Variants in JAKMIP1 observed in about 807,000 individuals in gnomAD.
The protein encoded by JAKMIP1 is janus kinase and microtubule-interacting protein 1.
A neutral mutation model predicts 113.0 loss-of-function variants in JAKMIP1; 33 were observed. The observed-to-expected ratio is 0.29, with a 90% CI of 0.22 to 0.39. JAKMIP1 has a LOEUF of 0.39. Among genes scored for constraint, JAKMIP1 ranks in the 10% least tolerant of loss-of-function variants. The pLI, the probability that JAKMIP1 is intolerant of heterozygous loss-of-function variation, is 1.00. For synonymous variants in JAKMIP1, 480 were observed against 459.9 expected (o/e 1.04, Z -0.56); for missense variants, 813 against 1,080.5 (o/e 0.75, Z 3.47).
chr4:6,166,348 A>T (rs1294723295), intron 1 of JAKMIP1, among the ~76,000 whole-genome samples: 2 of 152,182 alleles, frequency 1.3e-5, no homozygotes, highest in African/African-American at 4.8e-5. Flanking sequence ...TCCCCTCCCC[A>T]GGCAAGACTG....
chr4:6,081,648 C>T lies in JAKMIP1; in HGVS notation c.1062G>A (p.Glu354=), dbSNP rs1179319041. 2.5e-6 allele frequency: 4 copies of T among 1,614,186 alleles called. No homozygotes were observed. Among genetic ancestry groups the T allele is most frequent in the South Asian group, 2.2e-5 (2 of 91,086 alleles). Residue 354 remains glutamate (E), a synonymous_variant, in exon 6 of 21, where the codon GAG becomes GAA. Transcript: ENST00000409021. The surrounding 1 kb of genome is among the most constrained non-coding windows in gnomAD (Gnocchi z 4.6). The stretch of plus-strand genomic sequence containing the variant: ...CCCGCGTGAGGTTCTTGATTTTCTC[C>T]TCCATCCTCTGGATACTCTGCAACA... The part of the protein sequence containing the change: ...EDLLQSIQRM[E]EKIKNLTREN...
At chr4:6,121,070 C>T (rs773378260) in intron 1 of JAKMIP1, among the ~76,000 whole-genome samples, 5 of 151,844 alleles carry the variant, frequency 3.3e-5, no homozygotes, top group African/African-American at 1.2e-4. Context: ...CAAGGTGGTG[C>T]GCACCTATAA....
chr4:6,053,874 G>T, intron 13 of JAKMIP1, 176 bp downstream of exon 13: 1 of 1,504,614 alleles, frequency 6.6e-7, no homozygotes, highest in South Asian at 1.4e-5. Context: ...TTAAGGCAGT[G>T]AAATTATTCT....
intron 10 of JAKMIP1, 49 bp from the exon 11 acceptor site, chr4:6,060,556 C>T: frequency 3.6e-6 from 5 of 1,398,142 alleles, no homozygotes; most frequent in Non-Finnish European, 5.1e-6. Context: ...CAATGGGTGA[C>T]AGGGAAGCGG....
At chr4:6,171,312 C>A (rs1724672124) in intron 1 of JAKMIP1, among the ~76,000 whole-genome samples, 1 of 151,644 alleles carries the variant, frequency 6.6e-6, no homozygotes, top group Admixed American at 6.6e-5. Flanking sequence ...TCAACACCAT[C>A]AACATCTCCA....
At position 6,193,453 on chromosome 4, in the gene JAKMIP1, G is replaced by T. The variant is rs1299482614; in HGVS notation, c.-148+6800C>A. Among the ~76,000 whole-genome samples, 1 of 152,170 alleles carries T rather than the reference G, an allele frequency of 6.6e-6. No homozygotes were observed. The highest frequency in any genetic ancestry group is 2.4e-5 in the African/African-American group (1 of 41,442). On this transcript the variant is annotated intron_variant, in intron 1 of 20. Transcript: ENST00000409021. The surrounding 1 kb of genome is among the most constrained non-coding windows in gnomAD (Gnocchi z 6.4). ...AGAACCCTGACTAATACAGACGTGA[G>T]GGATGAAAAGAAGCCAGTCTGGGCC...
intron 20 of JAKMIP1, among the ~76,000 whole-genome samples, chr4:6,027,781 C>T (rs73798431): frequency 0.011 from 1,718 of 152,316 alleles, 47 homozygotes; most frequent in African/African-American, 0.039. Flanking sequence ...CTGCCGAGGA[C>T]ATAGTGAGTG....
At chr4:6,134,209 C>T (rs146612728) in intron 1 of JAKMIP1, among the ~76,000 whole-genome samples, 6 of 152,288 alleles carry the variant, frequency 3.9e-5, no homozygotes, top group Middle Eastern at 3.4e-3. Context: ...TCCCGCCTGC[C>T]GCCATGTAAG....
chr4:6,033,093 A>G (rs925405079), intron 19 of JAKMIP1, among the ~76,000 whole-genome samples: 2 of 152,222 alleles, frequency 1.3e-5, no homozygotes, highest in African/African-American at 4.8e-5. Context: ...AAAAGTGCAG[A>G]ATCATTCCGC....
At chr4:6,131,524 G>T (rs1372621610) in intron 1 of JAKMIP1, among the ~76,000 whole-genome samples, 2 of 152,144 alleles carry the variant, frequency 1.3e-5, no homozygotes, top group Non-Finnish European at 2.9e-5. Context: ...GAGGCCAGGA[G>T]TTCGAGATCA....
rs1212745275 is a variant in JAKMIP1, at chr4:6,194,961, A to G, written c.-148+5292T>C. On this transcript the variant is annotated intron_variant, in intron 1 of 20. Coordinates refer to ENST00000409021, the MANE Select transcript of JAKMIP1 (RefSeq NM_001099433.2). The surrounding 1 kb of genome is among the most constrained non-coding windows in gnomAD (Gnocchi z 7.4). ...TAACACAAGTGGGCGGTGGTGCCCA[A>G]CAAAGGGACCCGCCACTGCAGCTGC... Among the ~76,000 whole-genome samples, 2 of 152,060 alleles carry G rather than the reference A, an allele frequency of 1.3e-5. No individual in the cohort carries two copies. Among genetic ancestry groups the G allele is most frequent in the Non-Finnish European group, 2.9e-5 (2 of 67,974 alleles).
In JAKMIP1 at chr4:6,076,401, T is replaced by C. The variant is rs897680026; in HGVS notation, c.1302+2538A>G. ...TAATTTTTCTCTGAGTTTTTCTATA[T>C]TATATATATATATGTCTTCTGTAGC... On this transcript the variant is annotated intron_variant, in intron 8 of 20. Coordinates refer to ENST00000409021, the MANE Select transcript of JAKMIP1 (RefSeq NM_001099433.2). The surrounding 1 kb of genome is among the most constrained non-coding windows in gnomAD (Gnocchi z 4.8). 1.0e-4 allele frequency among the ~76,000 whole-genome samples: 15 copies of C among 150,522 alleles called. No homozygotes were observed. Among genetic ancestry groups the C allele is most frequent in the Non-Finnish European group, 1.8e-4 (12 of 67,596 alleles).
intron 4 of JAKMIP1, 70 bp from the exon 5 acceptor site, chr4:6,085,035 T>G (rs1242970676): frequency 6.7e-7 from 1 of 1,490,650 alleles, no homozygotes; most frequent in African/African-American, 1.5e-5. Flanking sequence ...GTGTGGAGCC[T>G]TCTTAGAAAA....
chr4:6,074,999 C>T (rs1037124630), intron 8 of JAKMIP1, among the ~76,000 whole-genome samples: 14 of 152,128 alleles, frequency 9.2e-5, no homozygotes, highest in African/African-American at 1.7e-4. Flanking sequence ...CGCCTAATGA[C>T]GCATTTCTCA....
intron 3 of JAKMIP1, among the ~76,000 whole-genome samples, chr4:6,095,099 G>C (rs1176776481): frequency 6.8e-6 from 1 of 147,406 alleles, no homozygotes; most frequent in Non-Finnish European, 1.5e-5. Context: ...AGGGAGGAAG[G>C]GGAGAGAGAG....
At position 6,162,624 on chromosome 4, in the gene JAKMIP1, AGT is replaced by A. The variant is rs2109005536; in HGVS notation, c.-148+37627_-148+37628del. ...CCATCTCGTTCAACCTGCCAAGCTCAGTGTGGCACTGCCCATCTGTTAGCTCC... is the reference window on the plus strand; with the variant it reads ...CCATCTCGTTCAACCTGCCAAGCTCAGTGGCACTGCCCATCTGTTAGCTCC... On this transcript the variant is annotated intron_variant, in intron 1 of 20. Transcript: ENST00000409021. The surrounding 1 kb of genome is among the most constrained non-coding windows in gnomAD (Gnocchi z 5.6). 6.6e-6 allele frequency among the ~76,000 whole-genome samples: 1 copy of A among 152,342 alleles called. No individual in the cohort carries two copies. The highest frequency in any genetic ancestry group is 2.4e-5 in the African/African-American group (1 of 41,584).
Position 6,184,379 on chromosome 4 carries a change from G to A in JAKMIP1, c.-148+15874C>T, listed in dbSNP as rs1490703913. ...CCTCCCTACTCCCAGCCCACTGCTG[G>A]TTTTCAGACTCTGCCGCCTTCCCTC... On this transcript the variant is annotated intron_variant, in intron 1 of 20. Transcript: ENST00000409021. The surrounding 1 kb of genome is among the most constrained non-coding windows in gnomAD (Gnocchi z 4.5). Among the ~76,000 whole-genome samples the A allele has an allele frequency of 1.3e-5, 2 of 152,128 alleles. No individual in the cohort carries two copies. Among genetic ancestry groups the A allele is most frequent in the East Asian group, 3.9e-4 (2 of 5,172 alleles).
At position 6,065,996 on chromosome 4, in the gene JAKMIP1, G is replaced by T. The variant is rs1019162756; in HGVS notation, c.1303-988C>A. On this transcript the variant is annotated intron_variant, in intron 8 of 20. Coordinates refer to ENST00000409021, the MANE Select transcript of JAKMIP1 (RefSeq NM_001099433.2). This position sits in a 1 kb window ranked among gnomAD's most constrained non-coding sequence, Gnocchi z 5.1. ...TATTTTAGGAACATAGCTTTTTTGG[G>T]TTTTTTTTTCCCAAACAGCCCCCGA... 7.9e-4 allele frequency among the ~76,000 whole-genome samples: 119 copies of T among 151,214 alleles called. No homozygotes were observed. The highest frequency in any genetic ancestry group is 1.8e-3 in the African/African-American group (73 of 41,188).
In JAKMIP1 at chr4:6,162,488, C is replaced by A. The variant is rs370370444; in HGVS notation, c.-148+37765G>T. On this transcript the variant is annotated intron_variant, in intron 1 of 20. Coordinates refer to ENST00000409021, the MANE Select transcript of JAKMIP1 (RefSeq NM_001099433.2). This position sits in a 1 kb window ranked among gnomAD's most constrained non-coding sequence, Gnocchi z 5.6. Reference sequence around the variant, plus strand: ...GAGCCAGGGCCCTTGGTCCCTTCTACACAATCCAGATGAGGTTACACATGT... The same window carrying A: ...GAGCCAGGGCCCTTGGTCCCTTCTAAACAATCCAGATGAGGTTACACATGT... Among the ~76,000 whole-genome samples the A allele has an allele frequency of 6.6e-6, 1 of 152,172 alleles. No individual in the cohort carries two copies. The highest frequency in any genetic ancestry group is 2.1e-4 in the South Asian group (1 of 4,824).
Sources: gnomAD v4.1 joint callset for allele counts (sites outside exome capture counted in the v4.1 genomes callset) on GRCh38, gnomAD v4.1.1 for gene constraint, Gnocchi (gnomAD v3.1) non-coding constraint, MANE v1.5 for transcripts, NCBI Gene and HGNC (gene_info 2026-07-23, HGNC 2026-07-21) for gene names.